Variants in CLIP4 observed in about 807,000 individuals in gnomAD.
CLIP4 encodes the protein CAP-Gly domain-containing linker protein 4.
A neutral mutation model predicts 73.1 loss-of-function variants in CLIP4; 47 were observed. That is an observed-to-expected ratio of 0.64 (90% CI 0.51 to 0.82). CLIP4 has a LOEUF of 0.82. CLIP4 is among the 40% of genes least tolerant of loss of function. The pLI is 0.00. For missense variants in CLIP4, 874 were observed against 852.9 expected (o/e 1.02, Z -0.31); for synonymous variants, 306 against 295.4 (o/e 1.04, Z -0.37).
intron 1 of CLIP4, among the ~76,000 whole-genome samples, chr2:29,116,520 G>C (rs1558511088): frequency 6.6e-6 from 1 of 152,176 alleles, no homozygotes; most frequent in Non-Finnish European, 1.5e-5. Flanking sequence ...TCACTTTGAC[G>C]TTTGTTGTTT....
intron 1 of CLIP4, among the ~76,000 whole-genome samples, chr2:29,117,327 CTCTT>C (rs1050478709): frequency 8.6e-5 from 13 of 151,348 alleles, no homozygotes; most frequent in African/African-American, 2.9e-4. Flanking sequence ...TTTTCTCTCT[CTCTT>C]TTTTTTGTTT....
At chr2:29,179,026 C>G (rs550748044) in intron 15 of CLIP4, among the ~76,000 whole-genome samples, 1 of 152,336 alleles carries the variant, frequency 6.6e-6, no homozygotes, top group African/African-American at 2.4e-5. Context: ...AACTCCTGGC[C>G]TTAAGTGATC....
intron 8 of CLIP4, among the ~76,000 whole-genome samples, chr2:29,148,413 T>C (rs1666316355): frequency 6.6e-6 from 1 of 152,254 alleles, no homozygotes; most frequent in Non-Finnish European, 1.5e-5. Context: ...TTCTCATACC[T>C]ATTAGATTTT....
chr2:29,160,531 A>C (rs1016807501), intron 12 of CLIP4, 64 bp downstream of exon 12: 2 of 1,552,164 alleles, frequency 1.3e-6, no homozygotes, highest in Non-Finnish European at 1.8e-6. Context: ...AAAATTTTAC[A>C]TGTAAATAGA....
Position 29,160,375 on chromosome 2 carries a change from G to GC in CLIP4, c.1443dup (p.Glu482ArgfsTer21). On this transcript the variant is annotated frameshift_variant, in exon 12 of 16. Coordinates refer to ENST00000320081, the MANE Select transcript of CLIP4 (RefSeq NM_024692.6). LOFTEE classifies it high-confidence loss of function. ...ACATCTACAGCAAATAATAGCCGTT[G>GC]CGAGGGGGAACTCCGCCTCGGAGAG... The GC allele has an allele frequency of 6.2e-7, 1 of 1,614,146 alleles. No individual in the cohort carries two copies. The highest frequency in any genetic ancestry group is 8.5e-7 in the Non-Finnish European group (1 of 1,180,022).
chr2:29,141,054 T>TTC (rs1460719893), intron 6 of CLIP4, among the ~76,000 whole-genome samples: 2 of 152,174 alleles, frequency 1.3e-5, no homozygotes, highest in African/African-American at 4.8e-5. Flanking sequence ...CAAAGGATTT[T>TTC]TTTTGAATTC....
At chr2:29,168,551 C>G (rs1667783567) in intron 14 of CLIP4, among the ~76,000 whole-genome samples, 1 of 102,692 alleles carries the variant, frequency 9.7e-6, no homozygotes, top group Non-Finnish European at 1.7e-5. Flanking sequence ...TGAGACGAGT[C>G]TCTCTCTGTT....
chr2:29,143,388 T>C (rs1265281820), intron 6 of CLIP4, among the ~76,000 whole-genome samples: 1 of 115,576 alleles, frequency 8.7e-6, no homozygotes, highest in Non-Finnish European at 1.8e-5. Context: ...ACATTTCCTA[T>C]TCCCCTTCCC....
chr2:29,172,512 ATAT>A (rs1209410254), intron 14 of CLIP4, among the ~76,000 whole-genome samples: 1 of 152,030 alleles, frequency 6.6e-6, no homozygotes, highest in Non-Finnish European at 1.5e-5. Context: ...TAACTAATTC[ATAT>A]TATTGTTTCA....
At chr2:29,173,910 A>G (rs1263681329) in intron 14 of CLIP4, among the ~76,000 whole-genome samples, 3 of 152,148 alleles carry the variant, frequency 2.0e-5, no homozygotes, top group Non-Finnish European at 2.9e-5. Context: ...CAAGATTATC[A>G]TATTTGACAG....
chr2:29,170,784 G>A (rs971607750), intron 14 of CLIP4, among the ~76,000 whole-genome samples: 2 of 152,042 alleles, frequency 1.3e-5, no homozygotes, highest in African/African-American at 2.4e-5. Context: ...TAAGATGTGA[G>A]GGTCTGTGTC....
At chr2:29,132,316 C>T (rs571241625) in intron 4 of CLIP4, 71 bp downstream of exon 4, 9 of 1,267,774 alleles carry the variant, frequency 7.1e-6, no homozygotes, top group Middle Eastern at 1.9e-4. Context: ...ATATTTATGC[C>T]CATATATTGT....
In CLIP4 at chr2:29,181,558, T is replaced by C. The variant is rs1489516818; in HGVS notation, c.1797-14T>C. 6.5e-7 allele frequency: 1 copy of C among 1,529,554 alleles called. No individual in the cohort carries two copies. The highest frequency in any genetic ancestry group is 1.4e-5 in the African/African-American group (1 of 71,982). 94.7% of individuals were successfully genotyped at this position (1,529,554 alleles called of 1,614,324 possible). On this transcript the variant is annotated splice_polypyrimidine_tract_variant and intron_variant, in intron 15 of 15. Coordinates refer to ENST00000320081, the MANE Select transcript of CLIP4 (RefSeq NM_024692.6). ...AGCACTAAATAATTTTTCCCACTTT[T>C]CCCTTCCGCACAGATCGAAAGCTGC...
chr2:29,155,758 G>C (rs1438815611), intron 9 of CLIP4, among the ~76,000 whole-genome samples: 1 of 152,176 alleles, frequency 6.6e-6, no homozygotes, highest in African/African-American at 2.4e-5. Flanking sequence ...ACTGGTCCCT[G>C]CTTCCAGCCT....
chr2:29,109,207 T>C (rs1371573827), intron 1 of CLIP4, among the ~76,000 whole-genome samples: 2 of 152,222 alleles, frequency 1.3e-5, no homozygotes, highest in Non-Finnish European at 2.9e-5. Flanking sequence ...GTTATTTTTG[T>C]GTGCCAAAGA....
Position 29,146,147 on chromosome 2 carries a change from G to T in CLIP4, c.1021+780G>T, listed in dbSNP as rs559664342. 8.5e-5 allele frequency among the ~76,000 whole-genome samples: 13 copies of T among 152,286 alleles called. No individual in the cohort carries two copies. The South Asian group carries it at 2.3e-3, about 27-fold the overall frequency. On this transcript the variant is annotated intron_variant, in intron 8 of 15. Transcript: ENST00000320081. ...TAGTGGGGAGACAGTGATGAGAGGG[G>T]TTTTTTCGTTAGTAGGCTGTGAGCT...
chr2:29,121,232 A>C, intron 1 of CLIP4, 142 bp from the exon 2 acceptor site: 1 of 839,678 alleles, frequency 1.2e-6, no homozygotes, highest in Non-Finnish European at 1.8e-6. Context: ...GCCAAAAGGA[A>C]TTTTTTCCCT....
intron 15 of CLIP4, among the ~76,000 whole-genome samples, chr2:29,180,626 A>G (rs1208106131): frequency 6.6e-6 from 1 of 152,200 alleles, no homozygotes; most frequent in African/African-American, 2.4e-5. Flanking sequence ...TTGTTTGCAT[A>G]TGAAAAAATA....
chr2:29,100,985 C>T (rs2148429950), intron 1 of CLIP4, among the ~76,000 whole-genome samples: 1 of 152,132 alleles, frequency 6.6e-6, no homozygotes, highest in South Asian at 2.1e-4. Flanking sequence ...GTCCAAGTCC[C>T]AAAACCTCAA....
Sources: gnomAD v4.1 joint callset for allele counts (sites outside exome capture counted in the v4.1 genomes callset) on GRCh38, gnomAD v4.1.1 for gene constraint, MANE v1.5 for transcripts, NCBI Gene and HGNC (gene_info 2026-07-23, HGNC 2026-07-21) for gene names.